The following CNTN6 variants were observed in gnomAD, a reference collection of about 807,000 sequenced individuals.
The protein encoded by CNTN6 is contactin-6.
In CNTN6, 137 loss-of-function variants were observed where a neutral mutation model predicts 122.8. That is an observed-to-expected ratio of 1.12 (90% CI 0.97 to 1.29). The LOEUF (loss-of-function observed/expected upper bound fraction) is 1.29, where lower values mean the gene tolerates loss of function less well. Ranked by LOEUF, CNTN6 falls within the 50% of genes most tolerant of loss-of-function variation. The pLI, the probability that CNTN6 is intolerant of heterozygous loss-of-function variation, is 0.00. For missense variants in CNTN6, 1,634 were observed against 1,223.4 expected (o/e 1.34, Z -5.01); for synonymous variants, 570 against 426.0 (o/e 1.34, Z -4.16).
At chr3:1,362,140 A>T (rs1707553024) in intron 12 of CNTN6, among the ~76,000 whole-genome samples, 1 of 152,138 alleles carries the variant, frequency 6.6e-6, no homozygotes, top group African/African-American at 2.4e-5. Flanking sequence ...TAAGATCCAG[A>T]CTCAATTCAT....
In CNTN6 at chr3:1,119,093, C is replaced by G. The variant is rs532846384; in HGVS notation, c.-83+25973C>G. Among the ~76,000 whole-genome samples, 18 of 151,936 alleles carry G rather than the reference C, an allele frequency of 1.2e-4. 1 individual carries two copies. The South Asian group carries it at 3.7e-3, about 31-fold the overall frequency. ...CAATGTGGCAGATTTGAAGGAGAGGCTGTTGGAAAGTGTGCCACAGGCTTT... is the reference window on the plus strand; with the variant it reads ...CAATGTGGCAGATTTGAAGGAGAGGGTGTTGGAAAGTGTGCCACAGGCTTT... On this transcript the variant is annotated intron_variant, in intron 1 of 22. Transcript: ENST00000446702.
intron 5 of CNTN6, among the ~76,000 whole-genome samples, chr3:1,286,789 G>A (rs577778432): frequency 6.6e-6 from 1 of 152,072 alleles, no homozygotes; most frequent in Non-Finnish European, 1.5e-5. Context: ...ATCTCACATG[G>A]AGACCCATCT....
chr3:1,201,398 T>C (rs1378806978), intron 2 of CNTN6, among the ~76,000 whole-genome samples: 1 of 152,184 alleles, frequency 6.6e-6, no homozygotes, highest in Admixed American at 6.5e-5. Context: ...AAATTAGCTT[T>C]TTTTTCTCAT....
At chr3:1,381,931 C>A (rs200238158) in intron 17 of CNTN6, among the ~76,000 whole-genome samples, 1 of 147,154 alleles carries the variant, frequency 6.8e-6, no homozygotes, top group Non-Finnish European at 1.5e-5. Context: ...GTGGTTCTGG[C>A]GCTCGTGAAT....
intron 1 of CNTN6, among the ~76,000 whole-genome samples, chr3:1,098,799 T>C (rs1192905742): frequency 1.7e-5 from 2 of 120,052 alleles, no homozygotes; most frequent in Admixed American, 7.9e-5. Flanking sequence ...CATATATATA[T>C]ATATATATAT....
At chr3:1,234,164 C>A (rs2094393113) in intron 4 of CNTN6, among the ~76,000 whole-genome samples, 1 of 152,006 alleles carries the variant, frequency 6.6e-6, no homozygotes, top group Non-Finnish European at 1.5e-5. Flanking sequence ...TACAGCAGAC[C>A]CAGAATTTCT....
At chr3:1,161,903 C>T (rs1484499191) in intron 2 of CNTN6, among the ~76,000 whole-genome samples, 1 of 151,764 alleles carries the variant, frequency 6.6e-6, no homozygotes, top group Non-Finnish European at 1.5e-5. Context: ...TCTATTTTAG[C>T]ACTAATTTAG....
rs75862145 is a variant in CNTN6, at chr3:1,162,186, C to G, written c.55+14123C>G. ...CTAAAAACAACATTTGAGTAAGGAA[C>G]AAAACCCTCCCAAATATTCTGACCA... On this transcript the variant is annotated intron_variant, in intron 2 of 22. Transcript: ENST00000446702. Among the ~76,000 whole-genome samples, 891 of 152,248 alleles carry G rather than the reference C, an allele frequency of 5.9e-3. 9 individuals carry two copies. The highest frequency in any genetic ancestry group is 0.021 in the African/African-American group (867 of 41,536).
At chr3:1,233,933 A>C (rs2094390204) in intron 4 of CNTN6, among the ~76,000 whole-genome samples, 1 of 152,136 alleles carries the variant, frequency 6.6e-6, no homozygotes, top group Non-Finnish European at 1.5e-5. Flanking sequence ...ATTGATTTTA[A>C]ATGGTTCAAG....
At chr3:1,376,542 AT>A (rs1709893795) in intron 16 of CNTN6, among the ~76,000 whole-genome samples, 1 of 152,106 alleles carries the variant, frequency 6.6e-6, no homozygotes. Context: ...TTATTTACAT[AT>A]TTTTCAGTAT....
At chr3:1,187,844 C>T (rs1214844363) in intron 2 of CNTN6, among the ~76,000 whole-genome samples, 2 of 152,118 alleles carry the variant, frequency 1.3e-5, no homozygotes, top group Non-Finnish European at 2.9e-5. Context: ...GTGTGTTGCC[C>T]TTCTGTGAAA....
intron 11 of CNTN6, among the ~76,000 whole-genome samples, chr3:1,333,580 C>A (rs773369975): frequency 6.6e-6 from 1 of 152,092 alleles, no homozygotes; most frequent in Non-Finnish European, 1.5e-5. Flanking sequence ...AGGAAATGTA[C>A]ATTTTTAGTT....
intron 11 of CNTN6, among the ~76,000 whole-genome samples, chr3:1,345,410 C>A (rs1704536508): frequency 1.3e-5 from 2 of 152,016 alleles, no homozygotes; most frequent in South Asian, 4.1e-4. Flanking sequence ...ACCACCATGC[C>A]CAGCCATACA....
chr3:1,211,335 C>G (rs73816580), intron 2 of CNTN6, among the ~76,000 whole-genome samples: 73 of 152,208 alleles, frequency 4.8e-4, no homozygotes, highest in African/African-American at 1.7e-3. Context: ...ACTTTTAGTT[C>G]TGTGTTCTTT....
At chr3:1,193,445 T>A (rs556520633) in intron 2 of CNTN6, among the ~76,000 whole-genome samples, 75 of 152,248 alleles carry the variant, frequency 4.9e-4, no homozygotes, top group African/African-American at 1.7e-3. Flanking sequence ...AAGGTAAAAA[T>A]AGAATAATAG....
chr3:1,114,253 A>G (rs923420176), intron 1 of CNTN6, among the ~76,000 whole-genome samples: 9 of 152,130 alleles, frequency 5.9e-5, no homozygotes, highest in Admixed American at 2.6e-4. Context: ...TTAATTGAAG[A>G]ATTCTTTATT....
intron 4 of CNTN6, among the ~76,000 whole-genome samples, chr3:1,251,290 A>G (rs187825106): frequency 6.6e-6 from 1 of 152,008 alleles, no homozygotes; most frequent in Non-Finnish European, 1.5e-5. Flanking sequence ...CTGATTTTCA[A>G]CCTTCCCAAA....
chr3:1,177,568 A>G (rs946275015), intron 2 of CNTN6, among the ~76,000 whole-genome samples: 15 of 152,158 alleles, frequency 9.9e-5, no homozygotes, highest in Admixed American at 8.5e-4. Flanking sequence ...TTTCAAGTTC[A>G]GCTCTGCTGA....
rs1294412360 is a variant in CNTN6 at position 1,152,126 on chromosome 3, A to ATTTGTTTCTTTG, written c.55+4070_55+4071insCTTTGTTTGTTT. On this transcript the variant is annotated intron_variant, in intron 2 of 22. Coordinates refer to ENST00000446702, the MANE Select transcript of CNTN6 (RefSeq NM_001289080.2). ...GAGGAAATATTTTATTTATTTATAT[A>ATTTGTTTCTTTG]TTTGTTTGTTTGTTTGTTTGTTTGT... Among the ~76,000 whole-genome samples the ATTTGTTTCTTTG allele has an allele frequency of 2.4e-3, 334 of 141,594 alleles. 3 individuals are homozygous for ATTTGTTTCTTTG. The Middle Eastern group carries it at 0.025, about 11-fold the overall frequency. The allele number at this position is 141,594 out of a possible 152,430, so 92.9% of individuals were successfully genotyped here.
Sources: allele counts gnomAD v4.1 joint callset (sites outside exome capture counted in the v4.1 genomes callset), GRCh38; gene constraint gnomAD v4.1.1; transcripts MANE v1.5; gene names NCBI Gene and HGNC (gene_info 2026-07-23, HGNC 2026-07-21).